MARCHF1: variants seen among roughly 807,000 people sequenced by gnomAD.
MARCHF1 encodes E3 ubiquitin-protein ligase MARCHF1.
A neutral mutation model predicts 54.2 loss-of-function variants in MARCHF1; 40 were observed. That is an observed-to-expected ratio of 0.74 (90% CI 0.57 to 0.96). The LOEUF (loss-of-function observed/expected upper bound fraction) is 0.96, where lower values mean the gene tolerates loss of function less well. MARCHF1 is among the 40% of genes least tolerant of loss of function. The pLI, the probability that MARCHF1 is intolerant of heterozygous loss-of-function variation, is 0.00. For missense variants in MARCHF1, 586 were observed against 656.5 expected, an observed-to-expected ratio of 0.89 and a Z score of 1.17; for synonymous variants, 236 against 236.3, an observed-to-expected ratio of 1.00 and a Z score of 0.01.
At chr4:163,817,129 C>A (rs556798615) in intron 4 of MARCHF1, among the ~76,000 whole-genome samples, 2 of 151,942 alleles carry the variant, frequency 1.3e-5, no homozygotes, top group Non-Finnish European at 2.9e-5. Flanking sequence ...ATTTTGGAAA[C>A]GCCCATAAGA....
chr4:163,636,258 G>A (rs1289342859), intron 5 of MARCHF1, among the ~76,000 whole-genome samples: 2 of 151,012 alleles, frequency 1.3e-5, no homozygotes, highest in Non-Finnish European at 3.0e-5. Context: ...AATTAGGCAG[G>A]AGAAGGAAAT....
At chr4:164,044,361 A>G (rs1424242277) in intron 2 of MARCHF1, among the ~76,000 whole-genome samples, 2 of 152,154 alleles carry the variant, frequency 1.3e-5, no homozygotes, top group African/African-American at 2.4e-5. Context: ...AAACGGGAAG[A>G]TATCATGTCC....
At chr4:164,237,445 A>T (rs1732595080) in intron 1 of MARCHF1, among the ~76,000 whole-genome samples, 1 of 151,942 alleles carries the variant, frequency 6.6e-6, no homozygotes, top group Non-Finnish European at 1.5e-5. Context: ...TTCTCTACTT[A>T]CCTATTATCT....
chr4:163,922,958 C>G (rs1388937485), intron 3 of MARCHF1, among the ~76,000 whole-genome samples: 2 of 151,868 alleles, frequency 1.3e-5, no homozygotes, highest in African/African-American at 4.8e-5. Context: ...AAATTTTATC[C>G]TAAGCAAAGC....
intron 3 of MARCHF1, among the ~76,000 whole-genome samples, chr4:163,903,600 TTTC>T (rs1750988432): frequency 9.4e-6 from 1 of 106,606 alleles, no homozygotes; most frequent in Non-Finnish European, 1.9e-5. Flanking sequence ...TTATTTTTTC[TTTC>T]TTTCTTTCTT....
intron 3 of MARCHF1, among the ~76,000 whole-genome samples, chr4:163,875,700 T>A (rs1003371463): frequency 2.0e-5 from 3 of 152,220 alleles, no homozygotes; most frequent in African/African-American, 7.2e-5. Flanking sequence ...AAATATTTAC[T>A]GATGTGAACT....
chr4:164,176,436 G>T (rs754462798), intron 1 of MARCHF1, among the ~76,000 whole-genome samples: 3 of 152,028 alleles, frequency 2.0e-5, no homozygotes, highest in African/African-American at 2.4e-5. Flanking sequence ...TGTTCAGACT[G>T]ATGCATATCA....
intron 5 of MARCHF1, among the ~76,000 whole-genome samples, chr4:163,674,263 G>T (rs370329311): frequency 6.6e-6 from 1 of 152,098 alleles, no homozygotes; most frequent in African/African-American, 2.4e-5. Flanking sequence ...TATCCTAAAA[G>T]CCCTGACTTC....
chr4:164,160,021 T>A (rs1730188337), intron 1 of MARCHF1, among the ~76,000 whole-genome samples: 1 of 151,562 alleles, frequency 6.6e-6, no homozygotes, highest in African/African-American at 2.4e-5. Flanking sequence ...TAGCATTTTT[T>A]AAAATATTGT....
intron 4 of MARCHF1, among the ~76,000 whole-genome samples, chr4:163,755,857 G>C (rs1746651213): frequency 6.6e-6 from 1 of 152,172 alleles, no homozygotes; most frequent in South Asian, 2.1e-4. Context: ...AGGTGTACAT[G>C]AACTTTGTCT....
At chr4:164,229,848 G>A (rs1327099759) in intron 1 of MARCHF1, among the ~76,000 whole-genome samples, 1 of 152,122 alleles carries the variant, frequency 6.6e-6, no homozygotes, top group Non-Finnish European at 1.5e-5. Flanking sequence ...ACTCTTGGGA[G>A]AACAGCACCA....
At chr4:163,814,267 G>A (rs372707557) in intron 4 of MARCHF1, among the ~76,000 whole-genome samples, 6 of 152,160 alleles carry the variant, frequency 3.9e-5, no homozygotes, top group South Asian at 2.1e-4. Context: ...TGGGGCCTTC[G>A]CAGTCTCCAT....
intron 4 of MARCHF1, among the ~76,000 whole-genome samples, chr4:163,743,629 AG>A (rs1483342938): frequency 4.5e-5 from 6 of 133,622 alleles, no homozygotes; most frequent in African/African-American, 1.7e-4. Context: ...CCCAGGCTGG[AG>A]GGCAGTGGCG....
chr4:163,767,223 G>C (rs978950851), intron 4 of MARCHF1, among the ~76,000 whole-genome samples: 1 of 151,280 alleles, frequency 6.6e-6, no homozygotes, highest in African/African-American at 2.4e-5. Context: ...AGGCAATCCA[G>C]ACAGAAAAAC....
chr4:164,105,877 G>A (rs1168019912), intron 2 of MARCHF1, among the ~76,000 whole-genome samples: 2 of 147,634 alleles, frequency 1.4e-5, no homozygotes, highest in Admixed American at 6.7e-5. Flanking sequence ...CTGACAAAGG[G>A]CTAATATCTA....
intron 4 of MARCHF1, among the ~76,000 whole-genome samples, chr4:163,701,526 T>C (rs1744808747): frequency 6.6e-6 from 1 of 152,190 alleles, no homozygotes; most frequent in African/African-American, 2.4e-5. Context: ...AAAGGTCATA[T>C]AATTTTAAAG....
intron 2 of MARCHF1, among the ~76,000 whole-genome samples, chr4:164,085,276 A>T (rs1007808453): frequency 1.3e-5 from 2 of 151,850 alleles, no homozygotes; most frequent in African/African-American, 4.8e-5. Flanking sequence ...TTTATAATTT[A>T]TTTAAAATCC....
chr4:164,069,846 G>A (rs575270179), intron 2 of MARCHF1, among the ~76,000 whole-genome samples: 3 of 152,270 alleles, frequency 2.0e-5, no homozygotes, highest in East Asian at 3.9e-4. Context: ...TTACAATAGA[G>A]AAGACGTGGA....
intron 3 of MARCHF1, among the ~76,000 whole-genome samples, chr4:163,931,905 T>C (rs575975259): frequency 6.6e-6 from 1 of 152,306 alleles, no homozygotes; most frequent in South Asian, 2.1e-4. Flanking sequence ...TAAATCTTTC[T>C]GTATATAAAG....
Sources: allele counts gnomAD v4.1 joint callset (sites outside exome capture counted in the v4.1 genomes callset), GRCh38; gene constraint gnomAD v4.1.1; transcripts MANE v1.5; gene names NCBI Gene and HGNC (gene_info 2026-07-23, HGNC 2026-07-21).